PTPRD: variants seen among roughly 807,000 people sequenced by gnomAD.
The protein encoded by PTPRD is protein tyrosine phosphatase receptor type D.
In PTPRD, 34 loss-of-function variants were observed where a neutral mutation model predicts 214.5. The observed-to-expected ratio is 0.16, with a 90% CI of 0.12 to 0.21. PTPRD has a LOEUF of 0.21. Ranked by LOEUF, PTPRD falls within the 10% of genes least tolerant of loss-of-function variation. The pLI is 1.00. For synonymous variants in PTPRD, 1,128 were observed against 845.7 expected (o/e 1.33, Z -5.79); for missense variants, 2,545 against 2,398.7 (o/e 1.06, Z -1.27).
chr9:9,490,733 G>A (rs964189355), intron 8 of PTPRD, among the ~76,000 whole-genome samples: 20 of 151,748 alleles, frequency 1.3e-4, no homozygotes, highest in Non-Finnish European at 2.4e-4. Context: ...ATAAATAAAA[G>A]TAAATGAGAA....
At chr9:9,157,337 TAA>T (rs1215725766) in intron 10 of PTPRD, among the ~76,000 whole-genome samples, 2 of 151,880 alleles carry the variant, frequency 1.3e-5, no homozygotes, top group Admixed American at 6.6e-5. Context: ...TTAACAAAAC[TAA>T]GAGATAGCTT....
At chr9:9,769,317 CTTTTTTTTTTTTTTTTTTTTTT>C (rs34497562) in intron 5 of PTPRD, among the ~76,000 whole-genome samples, 1 of 69,594 alleles carries the variant, frequency 1.4e-5, no homozygotes, top group Non-Finnish European at 2.5e-5. Flanking sequence ...ACCAGAAGCC[CTTTTTTTTTTTTTTTTTTTTTT>C]TTTTGAGATG....
At chr9:9,302,596 TTTTTC>T (rs1170593262) in intron 9 of PTPRD, among the ~76,000 whole-genome samples, 5 of 67,604 alleles carry the variant, frequency 7.4e-5, no homozygotes, top group Non-Finnish European at 8.8e-5. Context: ...TGTAGTTTTT[TTTTTC>T]TTTTTTTTTT....
chr9:9,095,939 G>T (rs1027100419), intron 10 of PTPRD, among the ~76,000 whole-genome samples: 1 of 152,144 alleles, frequency 6.6e-6, no homozygotes, highest in African/African-American at 2.4e-5. Flanking sequence ...ACGAGATCTT[G>T]CCATTTGCCA....
chr9:8,463,741 G>C (rs1049109773), intron 32 of PTPRD, among the ~76,000 whole-genome samples: 1 of 151,940 alleles, frequency 6.6e-6, no homozygotes, highest in African/African-American at 2.4e-5. Context: ...TTCTTAATAT[G>C]AGACAAAGGA....
intron 4 of PTPRD, among the ~76,000 whole-genome samples, chr9:9,989,037 A>AAAAAAAAAC (rs2095820959): frequency 8.2e-6 from 1 of 121,364 alleles, no homozygotes; most frequent in Non-Finnish European, 1.9e-5. Context: ...AAAAAAAAAA[A>AAAAAAAAAC]AAAAAAAACC....
At chr9:9,503,956 T>G (rs2096503088) in intron 8 of PTPRD, among the ~76,000 whole-genome samples, 1 of 151,798 alleles carries the variant, frequency 6.6e-6, no homozygotes, top group Non-Finnish European at 1.5e-5. Context: ...ATCCATTATT[T>G]TATCCAAAGA....
chr9:8,704,776 C>T (rs926973398), intron 12 of PTPRD, among the ~76,000 whole-genome samples: 80 of 133,214 alleles, frequency 6.0e-4, no homozygotes, highest in African/African-American at 2.1e-3. Flanking sequence ...AAAAAATTAG[C>T]CGGGTGTGGT....
chr9:8,834,016 A>G (rs1404052653), intron 11 of PTPRD, among the ~76,000 whole-genome samples: 2 of 151,450 alleles, frequency 1.3e-5, no homozygotes, highest in Non-Finnish European at 2.9e-5. Context: ...AATTTCTCAC[A>G]TAATTACACA....
intron 9 of PTPRD, among the ~76,000 whole-genome samples, chr9:9,269,607 T>C (rs367569467): frequency 1.3e-5 from 2 of 151,516 alleles, no homozygotes; most frequent in East Asian, 3.9e-4. Flanking sequence ...TAAGTGTTCA[T>C]TTACAGATGA....
At chr9:10,217,760 C>G (rs1263529701) in intron 3 of PTPRD, among the ~76,000 whole-genome samples, 3 of 151,846 alleles carry the variant, frequency 2.0e-5, no homozygotes, top group Admixed American at 1.3e-4. Context: ...TGTGCCCAGG[C>G]CATTGGGAGT....
chr9:9,478,025 T>A (rs1346058761), intron 8 of PTPRD, among the ~76,000 whole-genome samples: 4 of 152,176 alleles, frequency 2.6e-5, no homozygotes, highest in African/African-American at 9.7e-5. Context: ...ACATTTACAT[T>A]TGTACTACAC....
At chr9:9,989,662 G>C (rs1312109288) in intron 4 of PTPRD, among the ~76,000 whole-genome samples, 3 of 152,158 alleles carry the variant, frequency 2.0e-5, no homozygotes, top group African/African-American at 7.2e-5. Flanking sequence ...GCACAGGTGT[G>C]GGTGCAAGAG....
intron 14 of PTPRD, among the ~76,000 whole-genome samples, chr9:8,579,722 C>T (rs1248553365): frequency 6.6e-6 from 1 of 152,100 alleles, no homozygotes; most frequent in African/African-American, 2.4e-5. Flanking sequence ...AGTAAGGTTG[C>T]AGTGGATGGG....
chr9:10,059,333 G>A (rs1023302696), intron 3 of PTPRD, among the ~76,000 whole-genome samples: 1 of 152,070 alleles, frequency 6.6e-6, no homozygotes, highest in Non-Finnish European at 1.5e-5. Context: ...AGCAACCTCG[G>A]GTAAATTTAA....
At chr9:8,907,104 T>C (rs1320559375) in intron 11 of PTPRD, among the ~76,000 whole-genome samples, 1 of 151,860 alleles carries the variant, frequency 6.6e-6, no homozygotes, top group African/African-American at 2.4e-5. Flanking sequence ...CATACTACAA[T>C]AGAGATAGAT....
rs1382203195 is a variant in PTPRD, at chr9:9,249,001, T to C, written c.-202-65638A>G. On this transcript the variant is annotated intron_variant, in intron 9 of 45. Coordinates refer to ENST00000381196, the MANE Select transcript of PTPRD (RefSeq NM_002839.4). ...GAGTCATAAAGCAAGTGATATAGTT[T>C]GGATATTTGTCCCCTCCAAATCTCA... 2.0e-5 allele frequency among the ~76,000 whole-genome samples: 3 copies of C among 152,190 alleles called. No individual in the cohort carries two copies. The East Asian group carries it at 5.8e-4, about 30-fold the overall frequency.
intron 27 of PTPRD, among the ~76,000 whole-genome samples, chr9:8,488,079 C>G (rs1006592683): frequency 6.6e-6 from 1 of 151,880 alleles, no homozygotes; most frequent in Non-Finnish European, 1.5e-5. Context: ...GGAAAGCTTA[C>G]AGTAATGGGA....
intron 11 of PTPRD, among the ~76,000 whole-genome samples, chr9:8,966,063 G>T (rs2099192299): frequency 6.6e-6 from 1 of 151,916 alleles, no homozygotes; most frequent in Non-Finnish European, 1.5e-5. Flanking sequence ...AAAATACCTA[G>T]GGATACATAT....
Sources: gnomAD v4.1 joint callset for allele counts (sites outside exome capture counted in the v4.1 genomes callset) on GRCh38, gnomAD v4.1.1 for gene constraint, MANE v1.5 for transcripts, NCBI Gene and HGNC (gene_info 2026-07-23, HGNC 2026-07-21) for gene names.